The following STK17A variants were observed in gnomAD, a reference collection of about 807,000 sequenced individuals.
The protein encoded by STK17A is serine/threonine-protein kinase 17A.
A neutral mutation model predicts 43.7 loss-of-function variants in STK17A; 26 were observed. The observed-to-expected ratio is 0.60, with a 90% confidence interval of 0.44 to 0.83. The LOEUF is 0.83. Among genes scored for constraint, STK17A ranks in the 40% least tolerant of loss-of-function variants. STK17A has a pLI of 0.00. For missense variants in STK17A, 476 were observed against 511.6 expected, an observed-to-expected ratio of 0.93 and a Z score of 0.67; for synonymous variants, 191 against 182.5, an observed-to-expected ratio of 1.05 and a Z score of -0.38.
intron 3 of STK17A, among the ~76,000 whole-genome samples, chr7:43,614,636 C>T (rs2083182340): frequency 6.6e-6 from 1 of 152,172 alleles, no homozygotes; most frequent in Non-Finnish European, 1.5e-5. Flanking sequence ...GTAAAGGCCA[C>T]ATAATAAATA....
At chr7:43,593,382 A>G (rs914908365) in intron 1 of STK17A, among the ~76,000 whole-genome samples, 1 of 152,202 alleles carries the variant, frequency 6.6e-6, no homozygotes, top group African/African-American at 2.4e-5. Context: ...TTTTCATACA[A>G]TAATTTCTTT....
chr7:43,623,451 C>T (rs2084130768), intron 4 of STK17A, 121 bp from the exon 5 acceptor site: 3 of 757,262 alleles, frequency 4.0e-6, no homozygotes, highest in Non-Finnish European at 6.6e-6. Flanking sequence ...GGTAACCTTT[C>T]ATTTTAGCCC....
chr7:43,583,542 G>C, intron 1 of STK17A, 93 bp downstream of exon 1: 2 of 1,085,932 alleles, frequency 1.8e-6, no homozygotes, highest in Non-Finnish European at 2.3e-6. Context: ...CGGCGAGGCT[G>C]AAGTGGCGTT....
intron 1 of STK17A, among the ~76,000 whole-genome samples, chr7:43,594,766 T>C (rs2082502980): frequency 6.6e-6 from 1 of 151,182 alleles, no homozygotes; most frequent in Admixed American, 6.6e-5. Flanking sequence ...TTATACAGAT[T>C]AGAAAAATGA....
At chr7:43,592,029 A>G (rs1288087828) in intron 1 of STK17A, among the ~76,000 whole-genome samples, 1 of 151,528 alleles carries the variant, frequency 6.6e-6, no homozygotes, top group African/African-American at 2.4e-5. Flanking sequence ...GTCATTTCTA[A>G]TTTACCAGGA....
At chr7:43,603,340 G>T (rs1383463614) in intron 2 of STK17A, among the ~76,000 whole-genome samples, 2 of 152,034 alleles carry the variant, frequency 1.3e-5, no homozygotes, top group Non-Finnish European at 2.9e-5. Context: ...ATTCTCAGCC[G>T]CATCAATAGA....
At chr7:43,615,730 G>A (rs1023400023) in intron 3 of STK17A, among the ~76,000 whole-genome samples, 4 of 151,892 alleles carry the variant, frequency 2.6e-5, no homozygotes, top group African/African-American at 7.3e-5. Context: ...TTGTGCTGTC[G>A]TCCAGCCACA....
intron 1 of STK17A, among the ~76,000 whole-genome samples, chr7:43,590,630 T>G (rs2082473611): frequency 6.6e-6 from 1 of 151,562 alleles, no homozygotes; most frequent in African/African-American, 2.4e-5. Context: ...CTGAAAATTA[T>G]GGCAACTGTT....
intron 4 of STK17A, among the ~76,000 whole-genome samples, chr7:43,621,959 A>G (rs181783579): frequency 2.6e-5 from 4 of 152,278 alleles, no homozygotes; most frequent in South Asian, 2.1e-4. Context: ...CTTGCCATCT[A>G]TGTGACCTTG....
intron 2 of STK17A, among the ~76,000 whole-genome samples, chr7:43,598,612 T>C (rs1199617794): frequency 6.6e-6 from 1 of 152,104 alleles, no homozygotes. Flanking sequence ...TTTGACAAAA[T>C]TGATCGAAAA....
chr7:43,604,850 T>C (rs974268904), intron 2 of STK17A, among the ~76,000 whole-genome samples: 4 of 152,142 alleles, frequency 2.6e-5, no homozygotes, highest in African/African-American at 9.7e-5. Flanking sequence ...ATCCCTGGGG[T>C]CCTGTTTGTT....
intron 4 of STK17A, among the ~76,000 whole-genome samples, chr7:43,620,220 G>A (rs1283215749): frequency 6.6e-6 from 1 of 152,166 alleles, no homozygotes; most frequent in African/African-American, 2.4e-5. Flanking sequence ...GCTGAATGAT[G>A]ATACTCCATG....
At chr7:43,602,122 T>G (rs941046649) in intron 2 of STK17A, among the ~76,000 whole-genome samples, 2 of 152,226 alleles carry the variant, frequency 1.3e-5, no homozygotes, top group Admixed American at 1.3e-4. Context: ...TTTCCAAGAC[T>G]GAAACCCTTA....
At chr7:43,584,629 G>T (rs767811917) in intron 1 of STK17A, among the ~76,000 whole-genome samples, 7 of 152,050 alleles carry the variant, frequency 4.6e-5, no homozygotes, top group Non-Finnish European at 8.8e-5. Flanking sequence ...AAAACACACT[G>T]CCTTACACAT....
rs1471760916 is a variant in STK17A, at chr7:43,583,265, G to A, written c.22G>A (p.Gly8Ser). MIPLEKP[G>S]SGGSSPGATS... ...CACCATGATCCCTTTGGAGAAGCCA[G>A]GCAGCGGCGGCTCCTCCCCAGGCGC... is the stretch of plus-strand genomic sequence containing the variant. Residue 8 changes from glycine to serine, a missense_variant, in exon 1 of 7, where the codon GGC (glycine) becomes AGC (serine). By Grantham distance (56) the Gly-to-Ser change is moderately conservative. This residue lies in a region of STK17A where 320 missense variants were observed against 326.3 expected (regional missense o/e 0.98). Transcript: ENST00000319357. 6.5e-7 allele frequency: 1 copy of A among 1,545,984 alleles called. No individual in the cohort carries two copies.
rs531877906 is a variant in STK17A, at chr7:43,620,503, G to A, written c.691+780G>A. 1.8e-4 allele frequency among the ~76,000 whole-genome samples: 28 copies of A among 152,114 alleles called. 1 individual carries two copies. The South Asian group carries it at 5.8e-3, about 32-fold the overall frequency. On this transcript the variant is annotated intron_variant, in intron 4 of 6. Coordinates refer to ENST00000319357, the MANE Select transcript of STK17A (RefSeq NM_004760.3). ...CAGCCTGGCCAACATGGCAAAACCC[G>A]TCTCTACTAAAAATACAAAAATTAG...
intron 1 of STK17A, among the ~76,000 whole-genome samples, chr7:43,585,513 T>A (rs2330875): frequency 0.26 from 39,884 of 151,360 alleles, 6,874 homozygotes; most frequent in Non-Finnish European, 0.33. Context: ...ATTGTAAAGC[T>A]GCATAACAAT....
At chr7:43,619,816 T>TA in intron 4 of STK17A, 93 bp downstream of exon 4, 3 of 1,431,206 alleles carry the variant, frequency 2.1e-6, no homozygotes, top group Non-Finnish European at 2.8e-6. Flanking sequence ...TGGAGCCAGC[T>TA]ATCTACTATG....
Position 43,596,040 on chromosome 7 carries a change from C to T in STK17A, c.346C>T (p.Gln116Ter). Residue 116 changes from glutamine (Q) to a stop codon, truncating the protein, a stop_gained, in exon 2 of 7, where the codon CAA (glutamine) becomes TAA (stop). Transcript: ENST00000319357. LOFTEE classifies it high-confidence loss of function. ...TGAGATTGCTGTACTTGAACTAGCA[C>T]AAGACAATCCTTGGGTCATTAATTT... ...IHEIAVLELA[Q>*]DNPWVINLHE... The T allele has an allele frequency of 6.2e-7, 1 of 1,613,858 alleles. No homozygotes were observed. Among genetic ancestry groups the T allele is most frequent in the South Asian group, 1.1e-5 (1 of 91,066 alleles).
Sources: gnomAD v4.1 joint callset for allele counts (sites outside exome capture counted in the v4.1 genomes callset) on GRCh38, gnomAD v4.1.1 for gene constraint, gnomAD v4.1.1 regional missense constraint, MANE v1.5 for transcripts, NCBI Gene and HGNC (gene_info 2026-07-23, HGNC 2026-07-21) for gene names.